The following GANAB variants were observed in gnomAD, a reference collection of about 807,000 sequenced individuals.
The protein encoded by GANAB is glucosidase II alpha subunit.
A neutral mutation model predicts 129.9 loss-of-function variants in GANAB; 35 were observed. That is an observed-to-expected ratio of 0.27 (90% confidence interval 0.21 to 0.36). GANAB has a LOEUF of 0.36. Ranked by LOEUF, GANAB falls within the 10% of genes least tolerant of loss-of-function variation. GANAB has a pLI of 1.00. For synonymous variants in GANAB, 482 were observed against 451.8 expected (o/e 1.07, Z -0.85); for missense variants, 939 against 1,221.0 (o/e 0.77, Z 3.44).
chr11:62,629,159 A>G, intron 16 of GANAB, 35 bp downstream of exon 16: 2 of 1,576,098 alleles, frequency 1.3e-6, no homozygotes, highest in Non-Finnish European at 1.7e-6. Flanking sequence ...CCCCTTTCCC[A>G]CCAAACCAAG....
At position 62,639,884 on chromosome 11, in the gene GANAB, G is replaced by A; in HGVS notation, c.39-153C>T. Reference sequence around the variant, plus strand: ...CACATCAAATACAAAACAAGGCAGAGTGGACACAGGGTTAAGGATCAGGCC... The same window carrying A: ...CACATCAAATACAAAACAAGGCAGAATGGACACAGGGTTAAGGATCAGGCC... On this transcript the variant is annotated intron_variant, in intron 1 of 23. Coordinates refer to ENST00000356638, the MANE Select transcript of GANAB (RefSeq NM_198334.3). 4.8e-6 allele frequency: 3 copies of A among 621,130 alleles called. No homozygotes were observed. The South Asian group carries it at 5.8e-5, about 12-fold the overall frequency. The allele number at this position is 621,130 out of a possible 1,614,324, so 38.5% of individuals were successfully genotyped here.
In GANAB at chr11:62,646,569, T is replaced by C. The variant is rs1397962003; in HGVS notation, c.31A>G (p.Arg11Gly). ...AGATTCCGGGCTCCTCACCGCCTCC[T>C]ACGCGCCGCCACTGCCGCTACCGCC... MAAVAAVAARRRRSWASLVLA... is the reference protein window; with the variant it reads MAAVAAVAARGRRSWASLVLA... The change falls in exon 1 of 24, where the codon AGG (arginine) becomes GGG (glycine). Residue 11 changes from arginine to glycine, a missense_variant. Physicochemically the swap from Arg to Gly is moderately radical, Grantham distance 125. Around this residue, in one of 5 missense-constraint regions of GANAB, gnomAD observed 321 missense variants for 329.1 expected, o/e 0.98. Transcript: ENST00000356638. The C allele has an allele frequency of 6.2e-7, 1 of 1,613,688 alleles. No homozygotes were observed. Among genetic ancestry groups the C allele is most frequent in the Admixed American group, 1.7e-5 (1 of 60,024 alleles).
intron 4 of GANAB, among the ~76,000 whole-genome samples, chr11:62,637,071 TA>T (rs1943978874): frequency 6.6e-6 from 1 of 152,142 alleles, no homozygotes; most frequent in African/African-American, 2.4e-5. Context: ...AAAGTACCTT[TA>T]GGATCATTAA....
chr11:62,639,840 G>C, intron 1 of GANAB, 109 bp from the exon 2 acceptor site: 1 of 710,564 alleles, frequency 1.4e-6, no homozygotes, highest in Non-Finnish European at 2.6e-6. Flanking sequence ...GTTGAGGAAA[G>C]AGGGGAGAAA....
chr11:62,637,790 T>C (rs1944009867), intron 4 of GANAB, among the ~76,000 whole-genome samples: 1 of 151,572 alleles, frequency 6.6e-6, no homozygotes. Flanking sequence ...ATTCCAGCAC[T>C]TTGGGAGGCT....
chr11:62,643,927 ACCCT>A (rs34049415), intron 1 of GANAB, among the ~76,000 whole-genome samples: 15 of 152,132 alleles, frequency 9.9e-5, no homozygotes, highest in Non-Finnish European at 2.2e-4. Context: ...CACTGCACCC[ACCCT>A]GGATACCGCA....
At chr11:62,634,346 C>T in intron 5 of GANAB, 1 of 1,611,922 alleles carries the variant, frequency 6.2e-7, no homozygotes, top group Non-Finnish European at 8.5e-7. Flanking sequence ...CCATATGCTA[C>T]CAAGCGTGAG....
rs181695453 is a variant in GANAB, at chr11:62,640,062, T to C, written c.39-331A>G. 0.012 allele frequency: 2,105 copies of C among 171,238 alleles called. 40 individuals carry two copies. Among genetic ancestry groups the C allele is most frequent in the African/African-American group, 0.056 (1,922 of 34,024 alleles). The allele number at this position is 171,238 out of a possible 1,614,324, so 10.6% of individuals were successfully genotyped here. On this transcript the variant is annotated intron_variant, in intron 1 of 23. Coordinates refer to ENST00000356638, the MANE Select transcript of GANAB (RefSeq NM_198334.3). ...CATCCTGGCTAACACGGTGAAACCC[T>C]GTCTCTACTAAAAATACAAAAAAAA...
At position 62,639,794 on chromosome 11, in the gene GANAB, A is replaced by C. The variant is rs1944142293; in HGVS notation, c.39-63T>G. 8.4e-6 allele frequency: 8 copies of C among 956,476 alleles called. 1 individual carries two copies. Among genetic ancestry groups the C allele is most frequent in the Non-Finnish European group, 1.4e-5 (8 of 589,746 alleles). 59.2% of individuals were successfully genotyped at this position (956,476 alleles called of 1,614,324 possible). ...GAGGTCAGAAGGGGCCCCCTTCAAA[A>C]GGAAAAGCTTCTTCCTGTCATAGCA... On this transcript the variant is annotated intron_variant, in intron 1 of 23. Coordinates refer to ENST00000356638, the MANE Select transcript of GANAB (RefSeq NM_198334.3).
At chr11:62,626,716 C>A in intron 20 of GANAB, 32 bp from the exon 21 acceptor site, 1 of 1,467,942 alleles carries the variant, frequency 6.8e-7, no homozygotes, top group East Asian at 2.3e-5. Context: ...GATGAAGTTG[C>A]CCCCTTGTCC....
At position 62,627,135 on chromosome 11, in the gene GANAB, C is replaced by T; in HGVS notation, c.2246-11G>A. 6.2e-7 allele frequency: 1 copy of T among 1,607,398 alleles called. No individual in the cohort carries two copies. The highest frequency in any genetic ancestry group is 8.5e-7 in the Non-Finnish European group (1 of 1,173,956). On this transcript the variant is annotated splice_polypyrimidine_tract_variant and intron_variant, in intron 18 of 23. Transcript: ENST00000356638. Reference sequence around the variant, plus strand: ...CCAGCAACGCATCCCCTAAAATATGCCAGAATCAACTCTGAATAGGGGGAT... The same window carrying T: ...CCAGCAACGCATCCCCTAAAATATGTCAGAATCAACTCTGAATAGGGGGAT...
In GANAB at chr11:62,626,071, T is replaced by C. The variant is rs1313521554; in HGVS notation, c.2719A>G (p.Thr907Ala). Residue 907 changes from threonine (T) to alanine (A), a missense_variant, in exon 23 of 24, where the codon ACA becomes GCA. Around this residue, in one of 5 missense-constraint regions of GANAB, gnomAD observed 230 missense variants for 259.9 expected, o/e 0.89. Coordinates refer to ENST00000356638, the MANE Select transcript of GANAB (RefSeq NM_198334.3). ...GGCCAGATTGGTCACTCACCTTTTG[T>C]CTGGAGTACCACAGCTGCTGGCTTT... ...AGKPAAVVLQ[T>A]KGSPESRLSF... The C allele has an allele frequency of 6.2e-7, 1 of 1,611,270 alleles. No individual in the cohort carries two copies. Among genetic ancestry groups the C allele is most frequent in the Admixed American group, 1.7e-5 (1 of 60,026 alleles).
At chr11:62,631,486 C>T (rs1467113161) in intron 9 of GANAB, among the ~76,000 whole-genome samples, 1 of 147,840 alleles carries the variant, frequency 6.8e-6, no homozygotes, top group Non-Finnish European at 1.5e-5. Context: ...TTTTTTTAGA[C>T]AGAGTCTCAC....
intron 4 of GANAB, among the ~76,000 whole-genome samples, chr11:62,638,403 C>T (rs1944044725): frequency 6.6e-6 from 1 of 152,146 alleles, no homozygotes; most frequent in African/African-American, 2.4e-5. Flanking sequence ...CTGCCCACCT[C>T]GACCTCCCAA....
At chr11:62,639,134 T>C (rs1175569337) in intron 3 of GANAB, 24 bp from the exon 4 acceptor site, 2 of 1,612,630 alleles carry the variant, frequency 1.2e-6, no homozygotes, top group South Asian at 2.2e-5. Flanking sequence ...GGTTTGGATC[T>C]GGAGAAAGGA....
chr11:62,640,659 C>G (rs1944207919), intron 1 of GANAB, among the ~76,000 whole-genome samples: 1 of 151,514 alleles, frequency 6.6e-6, no homozygotes, highest in African/African-American at 2.4e-5. Context: ...CGGTGAAACT[C>G]TGTCTCTATT....
Position 62,626,618 on chromosome 11 carries a change from A to G in GANAB, c.2464T>C (p.Cys822Arg). The change falls in exon 21 of 24, where the codon TGT becomes CGT. Residue 822 changes from cysteine to arginine, a missense_variant. Physicochemically the swap from Cys to Arg is radical, Grantham distance 180. This residue lies in a region of GANAB where 230 missense variants were observed against 259.9 expected (regional missense o/e 0.89). Transcript: ENST00000356638. ...RWMRVRRSSE[C>R]MKDDPITLFV... ...AGAGTGATGGGGTCATCCTTCATACATTCTGAAGACCGCCGCACTCGCATC... is the reference window on the plus strand; with the variant it reads ...AGAGTGATGGGGTCATCCTTCATACGTTCTGAAGACCGCCGCACTCGCATC... The G allele has an allele frequency of 6.2e-7, 1 of 1,612,524 alleles. No homozygotes were observed. The highest frequency in any genetic ancestry group is 8.5e-7 in the Non-Finnish European group (1 of 1,178,788).
rs534699871 is a variant in GANAB, at chr11:62,637,533, G to A, written c.380+1450C>T. 2.0e-5 allele frequency among the ~76,000 whole-genome samples: 3 copies of A among 152,234 alleles called. No homozygotes were observed. The East Asian group carries it at 5.8e-4, about 29-fold the overall frequency. ...TCCTCTCCTAGTTATACACCAAAGA[G>A]AAACTCCCAAGCAAGGATAACAGGA... On this transcript the variant is annotated intron_variant, in intron 4 of 23. Coordinates refer to ENST00000356638, the MANE Select transcript of GANAB (RefSeq NM_198334.3).
intron 1 of GANAB, among the ~76,000 whole-genome samples, chr11:62,643,782 C>A (rs1944363696): frequency 6.6e-6 from 1 of 152,150 alleles, no homozygotes; most frequent in East Asian, 1.9e-4. Flanking sequence ...CACCACTGCA[C>A]TCTAGCCTGG....
Sources: gnomAD v4.1 joint callset for allele counts (sites outside exome capture counted in the v4.1 genomes callset) on GRCh38, gnomAD v4.1.1 for gene constraint, gnomAD v4.1.1 regional missense constraint, MANE v1.5 for transcripts, NCBI Gene and HGNC (gene_info 2026-07-23, HGNC 2026-07-21) for gene names.